MAP3K1: variants seen among roughly 807,000 people sequenced by gnomAD.
The protein encoded by MAP3K1 is MAP/ERK kinase kinase 1.
Under a neutral mutation model 144.2 loss-of-function variants are expected in MAP3K1, and 36 were observed. The ratio of observed to expected loss-of-function variants is 0.25; its 90% CI spans 0.19 to 0.33. The LOEUF is 0.33. Among genes scored for constraint, MAP3K1 ranks in the 10% least tolerant of loss-of-function variants. The pLI is 1.00. For missense variants in MAP3K1, 1,650 were observed against 1,881.9 expected (o/e 0.88, Z 2.28); for synonymous variants, 718 against 688.7 (o/e 1.04, Z -0.67).
In MAP3K1 at chr5:56,816,913, C is replaced by T. The variant is rs1262569361; in HGVS notation, c.482+858C>T. On this transcript the variant is annotated intron_variant, in intron 1 of 19. Transcript: ENST00000399503. Reference sequence around the variant, plus strand: ...TGGCGGAGTGGTGTAAGAGCCAGGACCGGATGTGTCAGCCATTCAGTTTCA... The same window carrying T: ...TGGCGGAGTGGTGTAAGAGCCAGGATCGGATGTGTCAGCCATTCAGTTTCA... 3.5e-5 allele frequency: 6 copies of T among 170,312 alleles called. No homozygotes were observed. In the Admixed American group the frequency reaches 3.9e-4, roughly 11 times the overall value. 10.6% of individuals were successfully genotyped at this position (170,312 alleles called of 1,614,324 possible).
At position 56,815,551 on chromosome 5, in the gene MAP3K1, G is replaced by A; in HGVS notation, c.-23G>A. The A allele has an allele frequency of 1.6e-6, 2 of 1,281,282 alleles. No homozygotes were observed. Among genetic ancestry groups the A allele is most frequent in the South Asian group, 2.5e-5 (1 of 40,308 alleles). The allele number at this position is 1,281,282 out of a possible 1,614,324, so 79.4% of individuals were successfully genotyped here. A position where few individuals can be genotyped will look rare whatever the true frequency, so the allele number is the denominator to read the frequency against. On this transcript the variant is annotated 5_prime_UTR_variant, in exon 1 of 20. Transcript: ENST00000399503. The stretch of plus-strand genomic sequence containing the variant: ...CCCCTCCCTCCCTCGCAGGGGCCGA[G>A]CGAATGTAGCCCGCGAGAGAAAATG...
chr5:56,819,651 G>A (rs1192829553), intron 1 of MAP3K1, among the ~76,000 whole-genome samples: 1 of 152,162 alleles, frequency 6.6e-6, no homozygotes, highest in Non-Finnish European at 1.5e-5. Context: ...TTGGGTTGAG[G>A]GCTGTCTGTT....
intron 1 of MAP3K1, among the ~76,000 whole-genome samples, chr5:56,844,150 T>C (rs952032492): frequency 1.3e-4 from 20 of 151,808 alleles, no homozygotes; most frequent in African/African-American, 4.8e-4. Context: ...GCAGAATCAT[T>C]AGATGTTTAG....
Position 56,828,408 on chromosome 5 carries a change from A to G in MAP3K1, c.482+12353A>G, listed in dbSNP as rs1040074790. Among the ~76,000 whole-genome samples, 42 of 152,218 alleles carry G rather than the reference A, an allele frequency of 2.8e-4. 1 individual carries two copies. The highest frequency in any genetic ancestry group is 1.0e-4 in the Non-Finnish European group (7 of 68,034). On this transcript the variant is annotated intron_variant, in intron 1 of 19. Coordinates refer to ENST00000399503, the MANE Select transcript of MAP3K1 (RefSeq NM_005921.2). The stretch of plus-strand genomic sequence containing the variant: ...AACTCTCCAAAAATTTAACTTGGAA[A>G]TTACTTCTTGTGGCTAAATTTAGCT...
chr5:56,834,155 C>T (rs1746575145), intron 1 of MAP3K1, among the ~76,000 whole-genome samples: 1 of 151,892 alleles, frequency 6.6e-6, no homozygotes, highest in Non-Finnish European at 1.5e-5. Context: ...GTTTGCTGGC[C>T]CATAAGTCTT....
At chr5:56,871,783 G>T in intron 6 of MAP3K1, 127 bp from the exon 7 acceptor site, 1 of 773,656 alleles carries the variant, frequency 1.3e-6, no homozygotes, top group South Asian at 1.5e-5. Flanking sequence ...GTATCTCTTA[G>T]TTATATAAGA....
chr5:56,849,328 G>A (rs538830313), intron 1 of MAP3K1, among the ~76,000 whole-genome samples: 3 of 149,820 alleles, frequency 2.0e-5, no homozygotes, highest in East Asian at 2.0e-4. Context: ...CAGCCTGGGC[G>A]TCAGAGCCAA....
At chr5:56,860,965 G>A (rs1276643531) in intron 3 of MAP3K1, among the ~76,000 whole-genome samples, 2 of 152,182 alleles carry the variant, frequency 1.3e-5, no homozygotes, top group Non-Finnish European at 2.9e-5. Context: ...ACCACTATGA[G>A]CTTGACAGCC....
intron 1 of MAP3K1, among the ~76,000 whole-genome samples, chr5:56,842,398 GT>G (rs1746841740): frequency 6.6e-6 from 1 of 152,184 alleles, no homozygotes; most frequent in African/African-American, 2.4e-5. Context: ...CTTTCTGCAG[GT>G]TTCTTCATCT....
intron 3 of MAP3K1, among the ~76,000 whole-genome samples, chr5:56,860,610 T>C (rs1747477394): frequency 6.6e-6 from 1 of 152,168 alleles, no homozygotes; most frequent in South Asian, 2.1e-4. Context: ...CCCACCACTT[T>C]GGGAGGGCGA....
chr5:56,823,045 T>C (rs749839381), intron 1 of MAP3K1, among the ~76,000 whole-genome samples: 3 of 152,230 alleles, frequency 2.0e-5, no homozygotes, highest in Non-Finnish European at 4.4e-5. Context: ...CAATCTGTAT[T>C]AGGTGGCCAG....
chr5:56,845,760 A>G (rs1746974555), intron 1 of MAP3K1, among the ~76,000 whole-genome samples: 1 of 152,252 alleles, frequency 6.6e-6, no homozygotes, highest in Admixed American at 6.5e-5. Context: ...CTCAAGTACC[A>G]AGGACACAAC....
At chr5:56,893,479 G>C (rs960136617) in intron 19 of MAP3K1, 52 bp from the exon 20 acceptor site, 9 of 1,588,042 alleles carry the variant, frequency 5.7e-6, no homozygotes, top group Non-Finnish European at 7.8e-6. Context: ...ATGTGTTTCT[G>C]TATCAGAAGT....
At chr5:56,873,103 C>T in intron 9 of MAP3K1, 98 bp downstream of exon 9, 1 of 1,135,302 alleles carries the variant, frequency 8.8e-7, no homozygotes, top group South Asian at 1.3e-5. Context: ...TAAAAAAACA[C>T]TTTTACTTGC....
At chr5:56,840,465 T>C (rs1289919653) in intron 1 of MAP3K1, among the ~76,000 whole-genome samples, 1 of 152,192 alleles carries the variant, frequency 6.6e-6, no homozygotes. Flanking sequence ...GAGTATTAAT[T>C]GGCTGAATAG....
Position 56,815,751 on chromosome 5 carries a change from C to T in MAP3K1, c.178C>T (p.Arg60Trp). 7.3e-7 allele frequency: 1 copy of T among 1,369,362 alleles called. No homozygotes were observed. The highest frequency in any genetic ancestry group is 1.7e-5 in the South Asian group (1 of 57,892). 84.8% of individuals were successfully genotyped at this position (1,369,362 alleles called of 1,614,324 possible). Residue 60 changes from arginine to tryptophan, a missense_variant, in exon 1 of 20, where the codon CGG becomes TGG. By Grantham distance (101) the Arg-to-Trp change is moderately radical. This residue lies in a region of MAP3K1 where 360 missense variants were observed against 274.7 expected (regional missense o/e 1.31). Coordinates refer to ENST00000399503, the MANE Select transcript of MAP3K1 (RefSeq NM_005921.2). Reference protein sequence around the residue: ...GGRERADWRRRQLRKVRSVEL... With the variant: ...GGRERADWRRWQLRKVRSVEL... ...CCGCGAGCGGGCGGACTGGCGGCGG[C>T]GGCAGCTGCGCAAAGTGCGGAGTGT...
chr5:56,819,048 AT>A (rs1379502680), intron 1 of MAP3K1, among the ~76,000 whole-genome samples: 3 of 152,208 alleles, frequency 2.0e-5, no homozygotes, highest in Non-Finnish European at 4.4e-5. Context: ...TCTTCCGTGA[AT>A]TTGTAAGTTT....
At chr5:56,828,617 G>A (rs1296492472) in intron 1 of MAP3K1, among the ~76,000 whole-genome samples, 1 of 152,212 alleles carries the variant, frequency 6.6e-6, no homozygotes, top group Non-Finnish European at 1.5e-5. Context: ...ATAACTGCTA[G>A]GAGAATATTA....
intron 18 of MAP3K1, chr5:56,887,925 G>A (rs542221578): frequency 8.7e-6 from 4 of 461,128 alleles, no homozygotes; most frequent in Admixed American, 3.7e-5. Context: ...TTCTTCTGTC[G>A]TGTTCATAAT....
Sources: gnomAD v4.1 joint callset for allele counts (sites outside exome capture counted in the v4.1 genomes callset) on GRCh38, gnomAD v4.1.1 for gene constraint, gnomAD v4.1.1 regional missense constraint, MANE v1.5 for transcripts, NCBI Gene and HGNC (gene_info 2026-07-23, HGNC 2026-07-21) for gene names.